SGCZ: variants seen among roughly 807,000 people sequenced by gnomAD.
The protein encoded by SGCZ is zeta-sarcoglycan.
In SGCZ, 40 loss-of-function variants were observed where a neutral mutation model predicts 41.3. That is an observed-to-expected ratio of 0.97 (90% CI 0.75 to 1.26). SGCZ has a LOEUF of 1.26. Ranked by LOEUF, SGCZ falls within the 50% of genes most tolerant of loss-of-function variation. SGCZ has a pLI of 0.00. For missense variants in SGCZ, 552 were observed against 369.8 expected (o/e 1.49, Z -4.04); for synonymous variants, 206 against 137.5 (o/e 1.50, Z -3.49).
In SGCZ at chr8:14,783,966, G is replaced by A. The variant is rs190494182; in HGVS notation, c.40-229040C>T. On this transcript the variant is annotated intron_variant, in intron 1 of 7. Transcript: ENST00000382080. ...TCATTCTTGTTCTTCAGATTTAGTGGTCAATTTCACATATGAGAGTTCTTA... is the reference window on the plus strand; with the variant it reads ...TCATTCTTGTTCTTCAGATTTAGTGATCAATTTCACATATGAGAGTTCTTA... Among the ~76,000 whole-genome samples, 47 of 151,940 alleles carry A rather than the reference G, an allele frequency of 3.1e-4. 1 individual carries two copies. Among genetic ancestry groups the A allele is most frequent in the African/African-American group, 1.0e-3 (43 of 41,440 alleles).
intron 7 of SGCZ, among the ~76,000 whole-genome samples, chr8:14,091,773 G>A (rs1377476199): frequency 6.6e-6 from 1 of 152,134 alleles, no homozygotes. Flanking sequence ...CTGCCATTCT[G>A]TAGGTTGCCT....
At chr8:14,334,693 T>C (rs1253663923) in intron 2 of SGCZ, among the ~76,000 whole-genome samples, 1 of 152,066 alleles carries the variant, frequency 6.6e-6, no homozygotes, top group Non-Finnish European at 1.5e-5. Flanking sequence ...AGTTCTGATA[T>C]GACAAAACTC....
At chr8:14,226,883 T>C (rs1417787011) in intron 4 of SGCZ, among the ~76,000 whole-genome samples, 1 of 152,122 alleles carries the variant, frequency 6.6e-6, no homozygotes, top group Non-Finnish European at 1.5e-5. Context: ...GCATCTTTTA[T>C]TTTAGTCACT....
intron 1 of SGCZ, 117 bp from the exon 2 acceptor site, chr8:14,555,043 A>G (rs1585075862): frequency 1.2e-6 from 1 of 848,104 alleles, no homozygotes; most frequent in East Asian, 2.6e-5. Context: ...ATTGGCAGTG[A>G]GCATTCAAAT....
intron 4 of SGCZ, among the ~76,000 whole-genome samples, chr8:14,213,081 A>G (rs1026363988): frequency 3.9e-5 from 6 of 152,128 alleles, no homozygotes; most frequent in East Asian, 1.9e-4. Flanking sequence ...ACAGCAAAAG[A>G]TATAATATTT....
chr8:14,734,678 A>G (rs1317049053), intron 1 of SGCZ, among the ~76,000 whole-genome samples: 2 of 152,072 alleles, frequency 1.3e-5, no homozygotes, highest in African/African-American at 2.4e-5. Flanking sequence ...CTATATCACC[A>G]CCCTCTCCAA....
intron 1 of SGCZ, among the ~76,000 whole-genome samples, chr8:14,874,699 G>A (rs964487939): frequency 6.6e-6 from 1 of 151,926 alleles, no homozygotes; most frequent in Non-Finnish European, 1.5e-5. Flanking sequence ...GCTATCTTCA[G>A]TGAATGCACA....
chr8:14,676,900 G>A (rs1199788567), intron 1 of SGCZ, among the ~76,000 whole-genome samples: 1 of 152,054 alleles, frequency 6.6e-6, no homozygotes. Context: ...CAAAGATAAG[G>A]AATAAGGTAA....
intron 1 of SGCZ, among the ~76,000 whole-genome samples, chr8:14,997,039 C>G (rs572709461): frequency 2.0e-5 from 3 of 152,300 alleles, no homozygotes; most frequent in African/African-American, 7.2e-5. Flanking sequence ...TTTGAAGGCT[C>G]TAATGTCTTC....
At chr8:14,940,961 T>C (rs933444279) in intron 1 of SGCZ, among the ~76,000 whole-genome samples, 2 of 151,966 alleles carry the variant, frequency 1.3e-5, no homozygotes, top group African/African-American at 2.4e-5. Context: ...TAATTTATAA[T>C]ATCTGTTGTA....
intron 1 of SGCZ, among the ~76,000 whole-genome samples, chr8:14,795,855 G>A (rs1375091539): frequency 6.6e-6 from 1 of 152,046 alleles, no homozygotes; most frequent in Non-Finnish European, 1.5e-5. Flanking sequence ...ATCCCAGTGT[G>A]TGTTGTTCCC....
At chr8:14,670,742 C>A (rs1164716874) in intron 1 of SGCZ, among the ~76,000 whole-genome samples, 3 of 152,022 alleles carry the variant, frequency 2.0e-5, no homozygotes, top group Non-Finnish European at 4.4e-5. Flanking sequence ...TTCAGTACAA[C>A]CCATGAGGTA....
chr8:14,760,555 C>T (rs1286213865), intron 1 of SGCZ, among the ~76,000 whole-genome samples: 5 of 152,126 alleles, frequency 3.3e-5, no homozygotes, highest in African/African-American at 9.7e-5. Context: ...TAAAATACGG[C>T]ATGTAACCCT....
In SGCZ at chr8:14,405,790, G is replaced by T. The variant is rs147444616; in HGVS notation, c.235-81586C>A. 4.1e-3 allele frequency among the ~76,000 whole-genome samples: 625 copies of T among 152,258 alleles called. 2 individuals carry two copies. The highest frequency in any genetic ancestry group is 0.017 in the South Asian group (81 of 4,824). On this transcript the variant is annotated intron_variant, in intron 2 of 7. Transcript: ENST00000382080. ...TCACTTAAAATGGTTAAGTATTAAA[G>T]TTGGCAAATTAGTTGTTTATAAATA...
intron 2 of SGCZ, among the ~76,000 whole-genome samples, chr8:14,522,774 T>C: frequency 6.6e-6 from 1 of 151,890 alleles, no homozygotes. Context: ...TCTGTAGGCT[T>C]ATTTTCCTCT....
chr8:14,970,279 T>A (rs1266590214), intron 1 of SGCZ, among the ~76,000 whole-genome samples: 1 of 152,142 alleles, frequency 6.6e-6, no homozygotes, highest in Non-Finnish European at 1.5e-5. Flanking sequence ...ACATATAATT[T>A]GCAAATATTT....
At chr8:14,966,725 G>T (rs544913236) in intron 1 of SGCZ, among the ~76,000 whole-genome samples, 1 of 152,026 alleles carries the variant, frequency 6.6e-6, no homozygotes, top group East Asian at 1.9e-4. Context: ...CTTTAAAAAC[G>T]CTTTGGGTTG....
intron 1 of SGCZ, among the ~76,000 whole-genome samples, chr8:14,950,227 G>C (rs188287783): frequency 6.6e-6 from 1 of 152,012 alleles, no homozygotes; most frequent in Admixed American, 6.6e-5. Flanking sequence ...TGAAAGATAG[G>C]CCAGAGGGTC....
At chr8:14,505,780 G>C (rs2117062229) in intron 2 of SGCZ, among the ~76,000 whole-genome samples, 1 of 152,154 alleles carries the variant, frequency 6.6e-6, no homozygotes, top group Non-Finnish European at 1.5e-5. Context: ...ATATTTCCTA[G>C]TGTAATGGTT....
Sources: gnomAD v4.1 joint callset for allele counts (sites outside exome capture counted in the v4.1 genomes callset) on GRCh38, gnomAD v4.1.1 for gene constraint, MANE v1.5 for transcripts, NCBI Gene and HGNC (gene_info 2026-07-23, HGNC 2026-07-21) for gene names.